The following RHOBTB2 variants were observed in gnomAD, a reference collection of about 807,000 sequenced individuals.
RHOBTB2 encodes rho-related BTB domain-containing protein 2.
Under a neutral mutation model 66.5 loss-of-function variants are expected in RHOBTB2, and 39 were observed. The observed-to-expected ratio is 0.59, with a 90% CI of 0.45 to 0.77. RHOBTB2 has a LOEUF of 0.77. Ranked by LOEUF, RHOBTB2 falls within the 30% of genes least tolerant of loss-of-function variation. The pLI, the probability that RHOBTB2 is intolerant of heterozygous loss-of-function variation, is 0.00. For synonymous variants in RHOBTB2, 390 were observed against 395.0 expected (o/e 0.99, Z 0.15); for missense variants, 755 against 999.1 (o/e 0.76, Z 3.29).
the RHOBTB2 span, among the ~76,000 whole-genome samples, chr8:22,958,255 A>G: frequency 6.6e-6 from 1 of 152,220 alleles, no homozygotes; most frequent in African/African-American, 2.4e-5. Flanking sequence ...CCTGCTTGAC[A>G]AGGAGCTGGG....
rs1393147301 is a variant in RHOBTB2, at chr8:23,007,399, T to G, written c.1154T>G (p.Val385Gly). Residue 385 changes from valine (V) to glycine (G), a missense_variant, in exon 5 of 10, where the codon GTG becomes GGG. Physicochemically the swap from Val to Gly is moderately radical, Grantham distance 109. This residue lies in a region of RHOBTB2 where 247 missense variants were observed against 238.9 expected (regional missense o/e 1.03). Coordinates refer to ENST00000251822, the MANE Select transcript of RHOBTB2 (RefSeq NM_015178.3). ...GGGTACCTACCGGGCAGGGGTCGTG[T>G]GCTGTCTTCCTGGAGCCGAGCTTTT... ...GTGYLPGRGR[V>G]LSSWSRAFVS... The G allele has an allele frequency of 1.2e-6, 2 of 1,614,004 alleles. No homozygotes were observed. Among genetic ancestry groups the G allele is most frequent in the Non-Finnish European group, 1.7e-6 (2 of 1,180,014 alleles).
Position 23,007,190 on chromosome 8 carries a change from C to A in RHOBTB2, c.945C>A (p.His315Gln), listed in dbSNP as rs780789386. The A allele has an allele frequency of 1.9e-6, 3 of 1,604,206 alleles. No homozygotes were observed. The South Asian group carries it at 3.3e-5, about 18-fold the overall frequency. ...GCCCCTCGGAGCCAGGGGGCACCCA[C>A]CCAGAGGACCACCAGGGCCACTCTG... is the stretch of plus-strand genomic sequence containing the variant. ...LGGPSEPGGT[H>Q]PEDHQGHSDQ... Residue 315 changes from histidine to glutamine, a missense_variant, in exon 5 of 10, where the codon CAC (histidine) becomes CAA (glutamine). His to Gln is a conservative substitution (Grantham distance 24, BLOSUM62 0). Around this residue, in one of 7 missense-constraint regions of RHOBTB2, gnomAD observed 247 missense variants for 238.9 expected, o/e 1.03. Coordinates refer to ENST00000251822, the MANE Select transcript of RHOBTB2 (RefSeq NM_015178.3).
In RHOBTB2 at chr8:23,004,251, C is replaced by T. The variant is rs1468368515; in HGVS notation, c.-10-174C>T. The T allele has an allele frequency of 6.3e-6, 4 of 635,012 alleles. No individual in the cohort carries two copies. The East Asian group carries it at 1.1e-4, about 17-fold the overall frequency. The allele number at this position is 635,012 out of a possible 1,614,324, so 39.3% of individuals were successfully genotyped here. A position where few individuals can be genotyped will look rare whatever the true frequency, so the allele number is the denominator to read the frequency against. The stretch of plus-strand genomic sequence containing the variant: ...CTCTCAGCCTGAATGGGCTCCTGGC[C>T]CCTTGGACCCTCGCAGAGCTCTTGC... On this transcript the variant is annotated intron_variant, in intron 1 of 9. Transcript: ENST00000251822. This position sits in a 1 kb window ranked among gnomAD's most constrained non-coding sequence, Gnocchi z 6.4.
chr8:22,996,242 C>A (rs1354026081), upstream of RHOBTB2, among the ~76,000 whole-genome samples: 1 of 151,914 alleles, frequency 6.6e-6, no homozygotes, highest in Non-Finnish European at 1.5e-5. Context: ...AGGTGGGTCA[C>A]AAGAGGGATT....
At chr8:22,997,029 C>T (rs555533315), upstream of RHOBTB2, among the ~76,000 whole-genome samples, 1 of 152,218 alleles carries the variant, frequency 6.6e-6, no homozygotes, top group Non-Finnish European at 1.5e-5. Flanking sequence ...CACAGGCCGG[C>T]GGCTGCAGCT....
the RHOBTB2 span, among the ~76,000 whole-genome samples, chr8:22,952,003 G>C: frequency 2.0e-5 from 3 of 152,248 alleles, no homozygotes; most frequent in Admixed American, 1.3e-4. Context: ...TTACAGGAGC[G>C]AGCCACCATG....
At chr8:22,986,845 C>G (rs933863334), upstream of RHOBTB2, among the ~76,000 whole-genome samples, 2 of 152,222 alleles carry the variant, frequency 1.3e-5, no homozygotes, top group African/African-American at 4.8e-5. Context: ...TCACATGTCT[C>G]CCGGCTGGCC....
chr8:23,008,762 C>T (rs1372281824), intron 6 of RHOBTB2, among the ~76,000 whole-genome samples: 1 of 152,076 alleles, frequency 6.6e-6, no homozygotes, highest in African/African-American at 2.4e-5. Context: ...TTAGGATTAG[C>T]TGTTTGAATA....
chr8:22,953,098 C>T, the RHOBTB2 span, among the ~76,000 whole-genome samples: 1 of 152,114 alleles, frequency 6.6e-6, no homozygotes, highest in East Asian at 1.9e-4. Flanking sequence ...TGCGCAGTGG[C>T]CTGCCAGCAC....
rs201645393 is a variant in RHOBTB2 at position 22,989,157 on chromosome 8, C to CT, written c.-137+1602dup. 7.2e-4 allele frequency among the ~76,000 whole-genome samples: 110 copies of CT among 151,864 alleles called. 2 individuals are homozygous for CT. The highest frequency in any genetic ancestry group is 2.3e-3 in the African/African-American group (96 of 41,270). On this transcript the variant is annotated intron_variant, in intron 1 of 11. Coordinates refer to the RHOBTB2 transcript ENST00000519685. ...TGAAGCAAGAAAACATTTCCACTTT[C>CT]TTTTTTTTGAGACTGAGTCTCTCTG...
chr8:22,962,764 C>T, the RHOBTB2 span, among the ~76,000 whole-genome samples: 1 of 152,212 alleles, frequency 6.6e-6, no homozygotes, highest in African/African-American at 2.4e-5. Flanking sequence ...TCCTGCTGGA[C>T]ACTGAAGAGC....
In RHOBTB2 at chr8:23,006,788, G is replaced by A. The variant is rs536025789; in HGVS notation, c.543G>A (p.Leu181=). ...PEKGREVAKE[L]GIPYYETSVV... The stretch of plus-strand genomic sequence containing the variant: ...AGGGTCGGGAGGTGGCCAAGGAGCT[G>A]GGCATCCCCTACTATGAGACCAGCG... The change falls in exon 5 of 10, where the codon CTG becomes CTA. Residue 181 remains leucine, a synonymous_variant. Transcript: ENST00000251822. This position sits in a 1 kb window ranked among gnomAD's most constrained non-coding sequence, Gnocchi z 6.1. 1.3e-5 allele frequency: 21 copies of A among 1,614,144 alleles called. No homozygotes were observed. The highest frequency in any genetic ancestry group is 1.1e-4 in the East Asian group (5 of 44,874).
chr8:23,015,692 TACA>T lies in RHOBTB2; in HGVS notation c.1921_1923del (p.Asn641del), dbSNP rs1811270861. On this transcript the variant is annotated inframe_deletion, in exon 9 of 10. Transcript: ENST00000251822. The stretch of plus-strand genomic sequence containing the variant: ...GTGTCTCCACCACATCTGCACCAAC[TACA>T]ACAACGTGTGCCGCAAGTTCCCCCG... 1.9e-6 allele frequency: 3 copies of T among 1,614,020 alleles called. No homozygotes were observed. Among genetic ancestry groups the T allele is most frequent in the Non-Finnish European group, 2.5e-6 (3 of 1,179,922 alleles).
chr8:23,004,385 C>G lies in RHOBTB2; in HGVS notation c.-10-40C>G. 1 of 1,571,164 alleles carries G rather than the reference C, an allele frequency of 6.4e-7. No individual in the cohort carries two copies. The highest frequency in any genetic ancestry group is 1.3e-5 in the African/African-American group (1 of 74,114). ...CTGGCCCTGGCCCACGGCGAGCTGG[C>G]ATGCCATGCCGTCCTGACCGCCTCC... is the stretch of plus-strand genomic sequence containing the variant. On this transcript the variant is annotated intron_variant, in intron 1 of 9. Transcript: ENST00000251822. This position sits in a 1 kb window ranked among gnomAD's most constrained non-coding sequence, Gnocchi z 6.4.
intron 1 of RHOBTB2, among the ~76,000 whole-genome samples, chr8:23,000,590 T>G (rs1181987359): frequency 1.3e-5 from 2 of 152,156 alleles, no homozygotes; most frequent in Admixed American, 1.3e-4. Flanking sequence ...GTGTCCACAT[T>G]TTAGGTTTGA....
At chr8:22,961,579 T>C in the RHOBTB2 span, among the ~76,000 whole-genome samples, 4 of 152,142 alleles carry the variant, frequency 2.6e-5, no homozygotes, top group African/African-American at 9.7e-5. Context: ...TTGTCCTACC[T>C]CGTAAGGTAC....
At chr8:22,951,472 G>A in the RHOBTB2 span, among the ~76,000 whole-genome samples, 1,789 of 152,152 alleles carry the variant, frequency 0.012, 34 homozygotes, top group African/African-American at 0.039. Context: ...GGCTGAATCC[G>A]AAAAGAGAGT....
At chr8:22,965,883 G>C in the RHOBTB2 span, among the ~76,000 whole-genome samples, 51 of 152,094 alleles carry the variant, frequency 3.4e-4, no homozygotes, top group East Asian at 7.9e-3. Flanking sequence ...TATTGAATAT[G>C]ACATAAAAAA....
intron 3 of RHOBTB2, 83 bp from the exon 4 acceptor site, chr8:23,005,877 A>G (rs1197506902): frequency 1.5e-6 from 2 of 1,341,000 alleles, no homozygotes; most frequent in African/African-American, 2.9e-5. Flanking sequence ...GGGACTGTAC[A>G]GGGCTGGGGT....
Sources: gnomAD v4.1 joint callset for allele counts (sites outside exome capture counted in the v4.1 genomes callset) on GRCh38, gnomAD v4.1.1 for gene constraint, gnomAD v4.1.1 regional missense constraint, Gnocchi (gnomAD v3.1) non-coding constraint, MANE v1.5 for transcripts, NCBI Gene and HGNC (gene_info 2026-07-23, HGNC 2026-07-21) for gene names.